CEP128: variants seen among roughly 807,000 people sequenced by gnomAD.
The protein encoded by CEP128 is centrosomal protein 128, also known as centrosomal protein 128kDa.
In CEP128, 132 loss-of-function variants were observed where a neutral mutation model predicts 156.7. The observed-to-expected ratio is 0.84, with a 90% CI of 0.73 to 0.97. CEP128 has a LOEUF of 0.97. CEP128 is among the 50% of genes least tolerant of loss of function. The pLI is 0.00. For missense variants in CEP128, 1,252 were observed against 1,281.9 expected, an observed-to-expected ratio of 0.98 and a Z score of 0.36; for synonymous variants, 469 against 448.9, an observed-to-expected ratio of 1.04 and a Z score of -0.57.
At chr14:80,693,772 G>A (rs1018866570) in intron 19 of CEP128, among the ~76,000 whole-genome samples, 4 of 152,222 alleles carry the variant, frequency 2.6e-5, no homozygotes, top group African/African-American at 7.2e-5. Flanking sequence ...TAATAATGAC[G>A]TTGTCTCTTA....
chr14:80,944,877 CAA>C (rs57778942), upstream of CEP128, among the ~76,000 whole-genome samples: 34 of 79,410 alleles, frequency 4.3e-4, no homozygotes, highest in East Asian at 6.4e-4. Flanking sequence ...CAGAACAAAA[CAA>C]AAAAAAAAAA....
intron 17 of CEP128, among the ~76,000 whole-genome samples, chr14:80,757,720 A>G (rs982062562): frequency 1.3e-5 from 2 of 152,222 alleles, no homozygotes; most frequent in Admixed American, 1.3e-4. Flanking sequence ...CTCTACAAGG[A>G]GAAGTCTATT....
At chr14:80,689,239 TGA>T (rs971284970) in intron 19 of CEP128, among the ~76,000 whole-genome samples, 56 of 135,172 alleles carry the variant, frequency 4.1e-4, no homozygotes, top group African/African-American at 1.5e-3. Context: ...TGCAGGGAGC[TGA>T]GAGTGACCCA....
intron 19 of CEP128, among the ~76,000 whole-genome samples, chr14:80,721,593 A>C (rs1178926274): frequency 1.3e-5 from 2 of 152,282 alleles, no homozygotes; most frequent in African/African-American, 4.8e-5. Flanking sequence ...CTTTCTTTTT[A>C]CCTTTTTAAT....
At chr14:80,760,006 T>C (rs1266788049) in intron 17 of CEP128, among the ~76,000 whole-genome samples, 1 of 151,918 alleles carries the variant, frequency 6.6e-6, no homozygotes, top group Non-Finnish European at 1.5e-5. Context: ...AAACAAACCA[T>C]GCTGTTACAA....
chr14:80,678,775 G>C (rs1451023478), intron 19 of CEP128, among the ~76,000 whole-genome samples: 1 of 152,158 alleles, frequency 6.6e-6, no homozygotes, highest in Non-Finnish European at 1.5e-5. Flanking sequence ...TGGAAAAGCT[G>C]CAGGCATTTT....
chr14:80,560,149 G>A (rs1890608143), intron 20 of CEP128, among the ~76,000 whole-genome samples: 1 of 152,200 alleles, frequency 6.6e-6, no homozygotes, highest in Non-Finnish European at 1.5e-5. Context: ...GAGGAGGTCA[G>A]GTGCAATGCC....
chr14:80,584,988 T>G (rs940629221), intron 19 of CEP128, among the ~76,000 whole-genome samples: 3 of 152,260 alleles, frequency 2.0e-5, no homozygotes, highest in African/African-American at 7.2e-5. Flanking sequence ...TCAACTACCA[T>G]GTAAATTGCT....
chr14:80,582,406 T>C (rs1272323698), intron 19 of CEP128, among the ~76,000 whole-genome samples: 2 of 152,112 alleles, frequency 1.3e-5, no homozygotes, highest in Non-Finnish European at 2.9e-5. Flanking sequence ...GAAAAGAGGA[T>C]CCCAAATCTG....
intron 19 of CEP128, among the ~76,000 whole-genome samples, chr14:80,738,600 G>A (rs182452619): frequency 3.3e-4 from 50 of 152,242 alleles, no homozygotes; most frequent in African/African-American, 1.2e-3. Flanking sequence ...CCTGTCAACT[G>A]CAGTCCGAAA....
intron 20 of CEP128, among the ~76,000 whole-genome samples, chr14:80,571,518 T>C (rs914800038): frequency 1.3e-5 from 2 of 152,086 alleles, no homozygotes; most frequent in African/African-American, 4.8e-5. Context: ...GCAGAGACAC[T>C]GGAAAAGGAA....
chr14:80,545,917 C>T (rs994600198), intron 21 of CEP128, among the ~76,000 whole-genome samples: 5 of 152,174 alleles, frequency 3.3e-5, no homozygotes, highest in East Asian at 1.9e-4. Flanking sequence ...GGTCCTACCC[C>T]GGGTCAACTG....
At chr14:80,877,248 A>C (rs937544765) in intron 8 of CEP128, among the ~76,000 whole-genome samples, 13 of 152,162 alleles carry the variant, frequency 8.5e-5, no homozygotes, top group African/African-American at 2.9e-4. Flanking sequence ...ACACACACAA[A>C]AAATGGAAAT....
At chr14:80,751,196 A>T (rs2139639470) in intron 18 of CEP128, among the ~76,000 whole-genome samples, 1 of 152,346 alleles carries the variant, frequency 6.6e-6, no homozygotes, top group Non-Finnish European at 1.5e-5. Flanking sequence ...AGATTAATAT[A>T]ATATGACCTA....
intron 19 of CEP128, among the ~76,000 whole-genome samples, chr14:80,617,638 T>C (rs1026908326): frequency 1.3e-5 from 2 of 152,148 alleles, no homozygotes; most frequent in African/African-American, 2.4e-5. Flanking sequence ...AAGTGCCTAG[T>C]GTGACACAAA....
intron 19 of CEP128, among the ~76,000 whole-genome samples, chr14:80,640,809 A>G (rs530094164): frequency 2.1e-4 from 32 of 152,328 alleles, no homozygotes; most frequent in Non-Finnish European, 4.4e-4. Context: ...CCAATAGTTT[A>G]TTAGAAAACT....
intron 6 of CEP128, among the ~76,000 whole-genome samples, chr14:80,903,013 T>A (rs1054026368): frequency 2.6e-4 from 40 of 152,126 alleles, no homozygotes; most frequent in African/African-American, 9.7e-4. Context: ...TTAACAATCT[T>A]ACATTCATAT....
rs185932236 is a variant in CEP128, at chr14:80,756,856, A to C, written c.2613+36T>G. The C allele has an allele frequency of 1.9e-3, 2,620 of 1,372,568 alleles. 3 individuals carry two copies. The highest frequency in any genetic ancestry group is 2.5e-3 in the Non-Finnish European group (2,450 of 968,422). 85.0% of individuals were successfully genotyped at this position (1,372,568 alleles called of 1,614,324 possible). On this transcript the variant is annotated intron_variant, in intron 18 of 24. Coordinates refer to ENST00000555265, the MANE Select transcript of CEP128 (RefSeq NM_152446.5). The stretch of plus-strand genomic sequence containing the variant: ...AAATAGGATGGCTTAAAGATCATAA[A>C]TATTACAATAACTTTAGGATTTAAA...
rs534963710 is a variant in CEP128 at position 80,702,732 on chromosome 14, TG to T, written c.2806+40342del. On this transcript the variant is annotated intron_variant, in intron 19 of 24. Transcript: ENST00000555265. ...CTAGGCAATGTGACTTTAAAGTGCA[TG>T]TTTTTAACTTCACCCTGAGGTTTGT... Among the ~76,000 whole-genome samples the T allele has an allele frequency of 2.3e-4, 35 of 152,292 alleles. No individual in the cohort carries two copies. The South Asian group carries it at 7.2e-3, about 32-fold the overall frequency.
Sources: allele counts gnomAD v4.1 joint callset (sites outside exome capture counted in the v4.1 genomes callset), GRCh38; gene constraint gnomAD v4.1.1; transcripts MANE v1.5; gene names NCBI Gene and HGNC (gene_info 2026-07-23, HGNC 2026-07-21).